Variants in AP3M1 observed in about 807,000 individuals in gnomAD.
The protein encoded by AP3M1 is adaptor related protein complex 3 subunit mu 1.
A neutral mutation model predicts 42.6 loss-of-function variants in AP3M1; 29 were observed. The observed-to-expected ratio is 0.68, with a 90% CI of 0.51 to 0.93. AP3M1 has a LOEUF of 0.93. AP3M1 is among the 40% of genes least tolerant of loss of function. AP3M1 has a pLI of 0.00. For missense variants in AP3M1, 416 were observed against 510.2 expected, an observed-to-expected ratio of 0.82 and a Z score of 1.78; for synonymous variants, 178 against 175.3, an observed-to-expected ratio of 1.02 and a Z score of -0.12.
In AP3M1 at chr10:74,126,371, G is replaced by T. The variant is rs1840615476; in HGVS notation, c.804-16C>A. The T allele has an allele frequency of 6.2e-7, 1 of 1,604,138 alleles. No individual in the cohort carries two copies. Among genetic ancestry groups the T allele is most frequent in the Non-Finnish European group, 8.5e-7 (1 of 1,172,518 alleles). On this transcript the variant is annotated splice_polypyrimidine_tract_variant and intron_variant, in intron 6 of 8. Transcript: ENST00000355264. Reference sequence around the variant, plus strand: ...TGCCACTAGACTAAAAAGAGAAACAGAGAAAGATACAAAAGCACAAACACA... The same window carrying T: ...TGCCACTAGACTAAAAAGAGAAACATAGAAAGATACAAAAGCACAAACACA...
intron 6 of AP3M1, among the ~76,000 whole-genome samples, chr10:74,126,970 C>CAAAAAAAAAAAAAAAAAAAAAAAAAA (rs58110411): frequency 3.1e-5 from 1 of 32,344 alleles, no homozygotes; most frequent in Non-Finnish European, 5.2e-5. Flanking sequence ...GACGCCATCT[C>CAAAAAAAAAAAAAAAAAAAAAAAAAA]AAAAAAAAAA....
At chr10:74,143,598 A>G (rs1841225720) in intron 1 of AP3M1, among the ~76,000 whole-genome samples, 1 of 152,240 alleles carries the variant, frequency 6.6e-6, no homozygotes, top group African/African-American at 2.4e-5. Flanking sequence ...ATTATGGGCC[A>G]GACACTATGC....
intron 6 of AP3M1, among the ~76,000 whole-genome samples, chr10:74,128,532 C>T (rs1407949335): frequency 1.3e-5 from 2 of 152,104 alleles, no homozygotes; most frequent in Non-Finnish European, 2.9e-5. Context: ...AACCACTGCA[C>T]CCGGCCCCTC....
rs541963645 is a variant in AP3M1, at chr10:74,138,313, C to T, written c.67G>A (p.Val23Ile). ...DIFLEKHWKSVVSQSVCDYFF... is the reference protein window; with the variant it reads ...DIFLEKHWKSIVSQSVCDYFF... Reference sequence around the variant, plus strand: ...TAATCACAGACAGACTGGCTCACAACGCTCTTCCAGTGCTTCTCTAGAAAT... The same window carrying T: ...TAATCACAGACAGACTGGCTCACAATGCTCTTCCAGTGCTTCTCTAGAAAT... Residue 23 changes from valine to isoleucine, a missense_variant, in exon 2 of 9, where the codon GTT (valine) becomes ATT (isoleucine). Coordinates refer to ENST00000355264, the MANE Select transcript of AP3M1 (RefSeq NM_012095.6). 3.3e-5 allele frequency: 53 copies of T among 1,614,124 alleles called. No individual in the cohort carries two copies. Among genetic ancestry groups the T allele is most frequent in the African/African-American group, 2.1e-4 (16 of 75,030 alleles).
At chr10:74,124,289 G>C in intron 8 of AP3M1, 91 bp downstream of exon 8, 1 of 1,474,982 alleles carries the variant, frequency 6.8e-7, no homozygotes, top group Non-Finnish European at 9.1e-7. Context: ...GCTCTTTCTA[G>C]AGAAGGAAAC....
rs1219108950 is a variant in AP3M1 at position 74,121,550 on chromosome 10, TCA to T, written c.*2258_*2259del. The T allele has an allele frequency of 1.3e-5, 2 of 152,224 alleles. No homozygotes were observed. The highest frequency in any genetic ancestry group is 2.9e-5 in the Non-Finnish European group (2 of 68,044). The allele number at this position is 152,224 out of a possible 1,614,324, so 9.4% of individuals were successfully genotyped here. A position where few individuals can be genotyped will look rare whatever the true frequency, so the allele number is the denominator to read the frequency against. On this transcript the variant is annotated 3_prime_UTR_variant, in exon 9 of 9. Coordinates refer to ENST00000355264, the MANE Select transcript of AP3M1 (RefSeq NM_012095.6). ...GAAGGGAGCTTTGATCACTAATCTC[TCA>T]GACTGTGGCCAGAATGGTGATGCTT... is the stretch of plus-strand genomic sequence containing the variant.
intron 3 of AP3M1, among the ~76,000 whole-genome samples, chr10:74,134,563 C>T (rs1840886272): frequency 6.6e-6 from 1 of 152,182 alleles, no homozygotes; most frequent in African/African-American, 2.4e-5. Context: ...CAGTATTCAA[C>T]TTTATTTTAC....
chr10:74,138,026 G>C (rs1840998952), intron 2 of AP3M1, 81 bp downstream of exon 2: 32 of 1,401,754 alleles, frequency 2.3e-5, no homozygotes, highest in Non-Finnish European at 3.0e-5. Context: ...ATCAAAACCT[G>C]GGTAATTAAA....
rs531648433 is a variant in AP3M1, at chr10:74,122,004, A to G, written c.*1806T>C. 6.6e-6 allele frequency: 1 copy of G among 152,380 alleles called. No individual in the cohort carries two copies. Among genetic ancestry groups the G allele is most frequent in the African/African-American group, 2.4e-5 (1 of 41,602 alleles). 9.4% of individuals were successfully genotyped at this position (152,380 alleles called of 1,614,324 possible). On this transcript the variant is annotated 3_prime_UTR_variant, in exon 9 of 9. Coordinates refer to ENST00000355264, the MANE Select transcript of AP3M1 (RefSeq NM_012095.6). ...AGATTGTTGAGATTAGGGATTCAGC[A>G]GAAAGCAAAGCAAATGTTCTCATTG...
rs1289308559 is a variant in AP3M1, at chr10:74,120,397, T to TAACA, written c.*3409_*3412dup. The TAACA allele has an allele frequency of 6.6e-6, 1 of 152,244 alleles. No homozygotes were observed. The highest frequency in any genetic ancestry group is 1.5e-5 in the Non-Finnish European group (1 of 68,038). The allele number at this position is 152,244 out of a possible 1,614,324, so 9.4% of individuals were successfully genotyped here. On this transcript the variant is annotated 3_prime_UTR_variant, in exon 9 of 9. Coordinates refer to ENST00000355264, the MANE Select transcript of AP3M1 (RefSeq NM_012095.6). ...TTGAAGGAATGGAAGTGGCAAAGGT[T>TAACA]AACAGGCAGAAAGCAGCTGGATGAA...
intron 4 of AP3M1, among the ~76,000 whole-genome samples, chr10:74,130,887 G>C (rs1840760750): frequency 6.6e-6 from 1 of 151,850 alleles, no homozygotes; most frequent in African/African-American, 2.4e-5. Flanking sequence ...GACGTGGGTA[G>C]ATTATCTGAG....
intron 4 of AP3M1, 50 bp downstream of exon 4, chr10:74,133,977 G>C: frequency 1.2e-6 from 2 of 1,604,806 alleles, no homozygotes; most frequent in Non-Finnish European, 1.7e-6. Context: ...CTATTCATCT[G>C]TGTCAGATGA....
chr10:74,149,421 C>G (rs1841463873), intron 1 of AP3M1, among the ~76,000 whole-genome samples: 1 of 151,392 alleles, frequency 6.6e-6, no homozygotes, highest in South Asian at 2.1e-4. Flanking sequence ...TACCAAGTAG[C>G]TGGGACTACA....
chr10:74,126,966 A>G (rs1317987640), intron 6 of AP3M1, among the ~76,000 whole-genome samples: 1 of 74,050 alleles, frequency 1.4e-5, no homozygotes, highest in Non-Finnish European at 2.5e-5. Context: ...GCGAGACGCC[A>G]TCTCAAAAAA....
At chr10:74,133,486 A>C (rs1322699705) in intron 4 of AP3M1, among the ~76,000 whole-genome samples, 1 of 151,818 alleles carries the variant, frequency 6.6e-6, no homozygotes, top group Non-Finnish European at 1.5e-5. Flanking sequence ...GCTTGAATCC[A>C]GGAGGTGAAG....
rs1356851715 is a variant in AP3M1 at position 74,121,210 on chromosome 10, A to C, written c.*2600T>G. 6.6e-6 allele frequency: 1 copy of C among 152,144 alleles called. No individual in the cohort carries two copies. Among genetic ancestry groups the C allele is most frequent in the Admixed American group, 6.6e-5 (1 of 15,260 alleles). 9.4% of individuals were successfully genotyped at this position (152,144 alleles called of 1,614,324 possible). A position where few individuals can be genotyped will look rare whatever the true frequency, so the allele number is the denominator to read the frequency against. On this transcript the variant is annotated 3_prime_UTR_variant, in exon 9 of 9. Coordinates refer to ENST00000355264, the MANE Select transcript of AP3M1 (RefSeq NM_012095.6). Reference sequence around the variant, plus strand: ...TGTTTTTGCCATTTACCATATGTTCACTGGTGCTGCCTTCCTGCTGTAGTA... The same window carrying C: ...TGTTTTTGCCATTTACCATATGTTCCCTGGTGCTGCCTTCCTGCTGTAGTA...
In AP3M1 at chr10:74,136,801, G is replaced by A; in HGVS notation, c.276C>T (p.Asp92=). 6.7e-7 allele frequency: 1 copy of A among 1,488,814 alleles called. No individual in the cohort carries two copies. The highest frequency in any genetic ancestry group is 9.1e-7 in the Non-Finnish European group (1 of 1,101,706). The allele number at this position is 1,488,814 out of a possible 1,614,324, so 92.2% of individuals were successfully genotyped here. Residue 92 remains aspartate, a splice_region_variant and synonymous_variant, in exon 3 of 9, where the codon GAC becomes GAT. Transcript: ENST00000355264. ...FLHRVADTFQ[D]YFGECSEAAI... Reference sequence around the variant, plus strand: ...CAGCCTCTGAACACTCACCAAAGTAGTCCTGACAAAATACACACAAAATAT... The same window carrying A: ...CAGCCTCTGAACACTCACCAAAGTAATCCTGACAAAATACACACAAAATAT...
intron 1 of AP3M1, among the ~76,000 whole-genome samples, chr10:74,146,139 G>A (rs555100167): frequency 6.6e-6 from 1 of 152,206 alleles, no homozygotes; most frequent in South Asian, 2.1e-4. Flanking sequence ...GTGTGCTGTG[G>A]GAATCTACAA....
At position 74,138,484 on chromosome 10, in the gene AP3M1, T is replaced by C. The variant is rs11817931; in HGVS notation, c.-3-102A>G. 4,058 of 1,062,524 alleles carry C rather than the reference T, an allele frequency of 3.8e-3. 117 individuals are homozygous for C. In the African/African-American group the frequency reaches 0.06, roughly 16 times the overall value. The allele number at this position is 1,062,524 out of a possible 1,614,324, so 65.8% of individuals were successfully genotyped here. A position where few individuals can be genotyped will look rare whatever the true frequency, so the allele number is the denominator to read the frequency against. ...GACCAAGTGGGATTTATTCTAAGAA[T>C]GCAAGGCTGGTTCAACATACAAAAA... On this transcript the variant is annotated intron_variant, in intron 1 of 8. Coordinates refer to ENST00000355264, the MANE Select transcript of AP3M1 (RefSeq NM_012095.6).
Sources: gnomAD v4.1 joint callset for allele counts (sites outside exome capture counted in the v4.1 genomes callset) on GRCh38, gnomAD v4.1.1 for gene constraint, MANE v1.5 for transcripts, NCBI Gene and HGNC (gene_info 2026-07-23, HGNC 2026-07-21) for gene names.